PCDHA6: variants seen among roughly 807,000 people sequenced by gnomAD.
PCDHA6 encodes the protein protocadherin alpha 6.
In PCDHA6, 55 loss-of-function variants were observed where a neutral mutation model predicts 60.3. The observed-to-expected ratio is 0.91, with a 90% CI of 0.73 to 1.14. The LOEUF is 1.14. PCDHA6 is among the 50% of genes most tolerant of loss of function. PCDHA6 has a pLI of 0.00. For missense variants in PCDHA6, 1,327 were observed against 1,256.5 expected, an observed-to-expected ratio of 1.06 and a Z score of -0.85; for synonymous variants, 652 against 557.9, an observed-to-expected ratio of 1.17 and a Z score of -2.38.
intron 1 of PCDHA6, among the ~76,000 whole-genome samples, chr5:140,975,369 T>G (rs2096664514): frequency 6.6e-6 from 1 of 152,230 alleles, no homozygotes; most frequent in Admixed American, 6.5e-5. Flanking sequence ...CATAGCATAA[T>G]GTAATCATGG....
intron 1 of PCDHA6, chr5:140,967,191 A>G (rs781981464): frequency 6.2e-7 from 1 of 1,613,532 alleles, no homozygotes; most frequent in Non-Finnish European, 8.5e-7. Flanking sequence ...TTGGACATCA[A>G]CGACAACTCA....
chr5:140,870,780 C>T (rs782242319), intron 1 of PCDHA6: 3 of 1,613,508 alleles, frequency 1.9e-6, no homozygotes, highest in Non-Finnish European at 2.5e-6. Context: ...ACGAGAACGA[C>T]AACGCGCCGG....
At chr5:140,928,292 T>G in intron 1 of PCDHA6, 1 of 1,614,086 alleles carries the variant, frequency 6.2e-7, no homozygotes, top group Middle Eastern at 1.6e-4. Flanking sequence ...CTAGGCCGAG[T>G]GTTTGCCCAG....
In PCDHA6 at chr5:140,882,793, C is replaced by A. The variant is rs1176435531; in HGVS notation, c.2394+52308C>A. 2.5e-6 allele frequency: 4 copies of A among 1,614,092 alleles called. No individual in the cohort carries two copies. In the Admixed American group the frequency reaches 6.7e-5, roughly 27 times the overall value. On this transcript the variant is annotated intron_variant, in intron 1 of 3. Coordinates refer to ENST00000529310, the MANE Select transcript of PCDHA6 (RefSeq NM_018909.4). ...CATTGACCTACCGACTGGATCCCAA[C>A]GATTATTTCACTTTGGACGCACAAA... is the stretch of plus-strand genomic sequence containing the variant.
At chr5:140,954,512 T>C (rs2095046956) in intron 1 of PCDHA6, among the ~76,000 whole-genome samples, 1 of 152,254 alleles carries the variant, frequency 6.6e-6, no homozygotes, top group Non-Finnish European at 1.5e-5. Flanking sequence ...TGCATTTACC[T>C]AATGATCAGT....
intron 1 of PCDHA6, chr5:140,876,735 T>C (rs782576636): frequency 2.0e-5 from 33 of 1,614,084 alleles, no homozygotes; most frequent in Non-Finnish European, 2.7e-5. Context: ...TGTCGGCCTA[T>C]GAGCTGGTGG....
Position 140,920,248 on chromosome 5 carries a change from C to T in PCDHA6, c.2395-58701C>T, listed in dbSNP as rs77829363. 2.9e-3 allele frequency among the ~76,000 whole-genome samples: 443 copies of T among 152,218 alleles called. 1 individual carries two copies. The highest frequency in any genetic ancestry group is 0.01 in the African/African-American group (423 of 41,510). Reference sequence around the variant, plus strand: ...TAGTATTATATACCCAACAATACATCGCTATAATAATTATTACTTTATGTA... The same window carrying T: ...TAGTATTATATACCCAACAATACATTGCTATAATAATTATTACTTTATGTA... On this transcript the variant is annotated intron_variant, in intron 1 of 3. Coordinates refer to ENST00000529310, the MANE Select transcript of PCDHA6 (RefSeq NM_018909.4).
chr5:140,998,639 A>G (rs1165002908), intron 3 of PCDHA6, among the ~76,000 whole-genome samples: 2 of 151,766 alleles, frequency 1.3e-5, no homozygotes, highest in African/African-American at 2.4e-5. Flanking sequence ...ATCTCAGCTC[A>G]CTGCAACCTC....
chr5:140,985,572 C>G (rs2097158307), intron 3 of PCDHA6, among the ~76,000 whole-genome samples: 1 of 152,142 alleles, frequency 6.6e-6, no homozygotes, highest in Non-Finnish European at 1.5e-5. Context: ...CTTTCTGGTG[C>G]CTAAGCCTCC....
intron 1 of PCDHA6, among the ~76,000 whole-genome samples, chr5:140,941,777 T>C (rs903102270): frequency 6.6e-6 from 1 of 152,262 alleles, no homozygotes; most frequent in Admixed American, 6.5e-5. Context: ...ATTGTTTTAA[T>C]GTTTTACCCA....
intron 1 of PCDHA6, chr5:140,884,501 G>A: frequency 1.9e-6 from 3 of 1,614,146 alleles, no homozygotes; most frequent in Middle Eastern, 1.6e-4. Context: ...CTCCAGCGCG[G>A]CAGGGAGTTG....
At chr5:140,969,865 C>T (rs982289120) in intron 1 of PCDHA6, among the ~76,000 whole-genome samples, 1 of 152,204 alleles carries the variant, frequency 6.6e-6, no homozygotes. Flanking sequence ...GGTACTTGCA[C>T]TGAACCTATG....
At chr5:140,845,964 G>A (rs1780137378) in intron 1 of PCDHA6, among the ~76,000 whole-genome samples, 1 of 149,394 alleles carries the variant, frequency 6.7e-6, no homozygotes, top group Non-Finnish European at 1.5e-5. Context: ...GATTAACCTA[G>A]GATGTTTCAA....
chr5:140,843,077 G>A, intron 1 of PCDHA6: 1 of 1,595,414 alleles, frequency 6.3e-7, no homozygotes, highest in South Asian at 1.1e-5. Context: ...GCGGTCTGTG[G>A]GCGCGGGCCA....
chr5:140,993,203 A>T (rs1563587510), intron 3 of PCDHA6, among the ~76,000 whole-genome samples: 2 of 152,090 alleles, frequency 1.3e-5, no homozygotes, highest in African/African-American at 4.8e-5. Context: ...ACTAAAGCTA[A>T]TTTTTTTAGC....
intron 1 of PCDHA6, chr5:140,865,781 A>G (rs1213634186): frequency 3.3e-5 from 5 of 152,208 alleles, no homozygotes; most frequent in Admixed American, 1.3e-4. Flanking sequence ...TCAAATGTGT[A>G]TCTTTCAGGC....
At chr5:140,915,190 G>A (rs1317793585) in intron 1 of PCDHA6, among the ~76,000 whole-genome samples, 1 of 151,978 alleles carries the variant, frequency 6.6e-6, no homozygotes, top group Non-Finnish European at 1.5e-5. Context: ...CTAGTGATCC[G>A]CCCATCTTGG....
At position 140,828,033 on chromosome 5, in the gene PCDHA6, C is replaced by T. The variant is rs1769495169; in HGVS notation, c.-59C>T. Reference sequence around the variant, plus strand: ...ATGGATTAATAAATTCCGGAACATACAGTATTTTATCTTTATGCGGAAGAT... The same window carrying T: ...ATGGATTAATAAATTCCGGAACATATAGTATTTTATCTTTATGCGGAAGAT... On this transcript the variant is annotated 5_prime_UTR_variant, in exon 1 of 4. Coordinates refer to ENST00000529310, the MANE Select transcript of PCDHA6 (RefSeq NM_018909.4). 3 of 1,525,942 alleles carry T rather than the reference C, an allele frequency of 2.0e-6. No individual in the cohort carries two copies. Among genetic ancestry groups the T allele is most frequent in the South Asian group, 2.6e-5 (2 of 76,302 alleles). The allele number at this position is 1,525,942 out of a possible 1,614,324, so 94.5% of individuals were successfully genotyped here.
chr5:140,863,527 G>C, intron 1 of PCDHA6: 1 of 392,272 alleles, frequency 2.5e-6, no homozygotes, highest in Non-Finnish European at 5.0e-6. Context: ...CCATGGTTCA[G>C]ATTTTGGAGA....
Sources: allele counts gnomAD v4.1 joint callset (sites outside exome capture counted in the v4.1 genomes callset), GRCh38; gene constraint gnomAD v4.1.1; transcripts MANE v1.5; gene names NCBI Gene and HGNC (gene_info 2026-07-23, HGNC 2026-07-21).